ATP10B: variants seen among roughly 807,000 people sequenced by gnomAD.
ATP10B encodes ATPase phospholipid transporting 10B (putative).
In ATP10B, 122 loss-of-function variants were observed where a neutral mutation model predicts 141.2. That is an observed-to-expected ratio of 0.86 (90% CI 0.75 to 1.00). The LOEUF (loss-of-function observed/expected upper bound fraction) is 1.00, where lower values mean the gene tolerates loss of function less well. Among genes scored for constraint, ATP10B ranks in the 50% least tolerant of loss-of-function variants. The probability of loss-of-function intolerance (pLI) is 0.00; values close to 1 mark genes in which losing one functional copy is unlikely to be tolerated. For missense variants in ATP10B, 1,876 were observed against 1,825.3 expected (o/e 1.03, Z -0.51); for synonymous variants, 685 against 692.0 (o/e 0.99, Z 0.16).
Position 160,589,673 on chromosome 5 carries a change from A to G in ATP10B, c.3669T>C (p.Asp1223=), listed in dbSNP as rs371483735. Residue 1223 remains aspartate (D), a synonymous_variant, in exon 24 of 26, where the codon GAT becomes GAC. Coordinates refer to ENST00000327245, the MANE Select transcript of ATP10B (RefSeq NM_025153.3). Reference sequence around the variant, plus strand: ...TGATTGGTGTCCCAAAGGTAAAGACATCTATATCAGAGCCCTTATAGGCCT... The same window carrying G: ...TGATTGGTGTCCCAAAGGTAAAGACGTCTATATCAGAGCCCTTATAGGCCT... ...PYLAYKGSDI[D]VFTFGTPINT... is the part of the protein sequence containing the mutation. 1.1e-5 allele frequency: 18 copies of G among 1,614,026 alleles called. No homozygotes were observed. Among genetic ancestry groups the G allele is most frequent in the African/African-American group, 1.1e-4 (8 of 75,042 alleles).
chr5:160,768,104 C>G (rs1769611661), intron 2 of ATP10B, among the ~76,000 whole-genome samples: 1 of 152,106 alleles, frequency 6.6e-6, no homozygotes, highest in Admixed American at 6.6e-5. Flanking sequence ...TCAGGCCAAC[C>G]TACCCTGGAA....
In ATP10B at chr5:160,602,634, G is replaced by T; in HGVS notation, c.3306C>A (p.Gly1102=). ...KHLKKLLLVH[G]HWCYSRLARM... ...TGGCCAGGCGCGAGTAACACCAGTG[G>T]CCATGCACGAGCAGCAACTTCTTGA... is the stretch of plus-strand genomic sequence containing the variant. Residue 1102 remains glycine (G), a synonymous_variant, in exon 21 of 26, where the codon GGC becomes GGA. Coordinates refer to ENST00000327245, the MANE Select transcript of ATP10B (RefSeq NM_025153.3). 6.2e-7 allele frequency: 1 copy of T among 1,614,072 alleles called. No homozygotes were observed. Among genetic ancestry groups the T allele is most frequent in the Non-Finnish European group, 8.5e-7 (1 of 1,179,956 alleles).
chr5:160,606,794 T>A lies in ATP10B; in HGVS notation c.3131A>T (p.Asp1044Val). The change falls in exon 19 of 26, where the codon GAC (aspartate) becomes GTC (valine). Residue 1044 changes from aspartate (D) to valine (V), a missense_variant. By Grantham distance (152) the Asp-to-Val change is radical. Coordinates refer to ENST00000327245, the MANE Select transcript of ATP10B (RefSeq NM_025153.3). ...GGAAAGGGTCATGACGCGCAACTTGTCTCGCACCAGCTTGACTATCATACT... is the reference window on the plus strand; with the variant it reads ...GGAAAGGGTCATGACGCGCAACTTGACTCGCACCAGCTTGACTATCATACT... ...QKSMIVKLVR[D>V]KLRVMTLSIG... 1 of 1,613,990 alleles carries A rather than the reference T, an allele frequency of 6.2e-7. No individual in the cohort carries two copies. Among genetic ancestry groups the A allele is most frequent in the Non-Finnish European group, 8.5e-7 (1 of 1,179,892 alleles).
At chr5:160,882,761 A>T in the ATP10B span, among the ~76,000 whole-genome samples, 1 of 152,202 alleles carries the variant, frequency 6.6e-6, no homozygotes, top group South Asian at 2.1e-4. Context: ...CAAGTTAAGA[A>T]TAATGAACAC....
intron 2 of ATP10B, among the ~76,000 whole-genome samples, chr5:160,738,000 GCA>G (rs1469120187): frequency 4.6e-5 from 7 of 151,936 alleles, no homozygotes; most frequent in East Asian, 3.8e-4. Flanking sequence ...ACTCCAGCAG[GCA>G]CAGTTTTTTC....
intron 1 of ATP10B, among the ~76,000 whole-genome samples, chr5:160,826,786 G>A (rs1189337325): frequency 1.3e-5 from 2 of 152,164 alleles, no homozygotes; most frequent in Non-Finnish European, 2.9e-5. Context: ...GGCCGCTCTA[G>A]GAGTGTCTGT....
intron 7 of ATP10B, among the ~76,000 whole-genome samples, chr5:160,653,665 ATATATAT>A (rs1402289016): frequency 1.7e-5 from 2 of 117,506 alleles, no homozygotes; most frequent in Non-Finnish European, 3.3e-5. Context: ...ACATATATAC[ATATATAT>A]TATATATACA....
the ATP10B span, among the ~76,000 whole-genome samples, chr5:160,916,462 G>A: frequency 6.6e-6 from 1 of 151,984 alleles, no homozygotes; most frequent in Non-Finnish European, 1.5e-5. Context: ...TGGGGTCCAT[G>A]TGCCCCCTAA....
At chr5:160,814,276 A>T (rs1478725038) in intron 1 of ATP10B, among the ~76,000 whole-genome samples, 4 of 152,228 alleles carry the variant, frequency 2.6e-5, no homozygotes, top group African/African-American at 9.6e-5. Context: ...TAACCAATGC[A>T]GAGAAGTCCT....
In ATP10B at chr5:160,598,978, C is replaced by A. The variant is rs768952031; in HGVS notation, c.3364-8G>T. 3 of 1,613,436 alleles carry A rather than the reference C, an allele frequency of 1.9e-6. No individual in the cohort carries two copies. The African/African-American group carries it at 4.0e-5, about 22-fold the overall frequency. The stretch of plus-strand genomic sequence containing the variant: ...GAGCAGGTTGACGTAGCACTGCAGG[C>A]AGAGAGCATGGCCTTGTGAGTGGGG... On this transcript the variant is annotated splice_region_variant and splice_polypyrimidine_tract_variant and intron_variant, in intron 21 of 25. Transcript: ENST00000327245.
chr5:160,595,763 C>G (rs1255495886), intron 22 of ATP10B, among the ~76,000 whole-genome samples: 1 of 87,064 alleles, frequency 1.1e-5, no homozygotes, highest in Non-Finnish European at 2.7e-5. Flanking sequence ...ACTACAAACA[C>G]CTCTATGCAA....
At chr5:160,761,408 TCGCCAGCACCAG>T (rs1488254227) in intron 2 of ATP10B, among the ~76,000 whole-genome samples, 2 of 151,698 alleles carry the variant, frequency 1.3e-5, no homozygotes, top group Non-Finnish European at 2.9e-5. Flanking sequence ...CAGCCTACAT[TCGCCAGCACCAG>T]CCTACATTCC....
intron 1 of ATP10B, among the ~76,000 whole-genome samples, chr5:160,819,099 G>C (rs895364590): frequency 6.6e-6 from 1 of 152,066 alleles, no homozygotes; most frequent in African/African-American, 2.4e-5. Flanking sequence ...GTATACATAT[G>C]TAACTAACCT....
chr5:160,644,357 T>G (rs1339143025), intron 8 of ATP10B, 113 bp from the exon 9 acceptor site: 1 of 736,982 alleles, frequency 1.4e-6, no homozygotes, highest in East Asian at 2.6e-5. Context: ...TCCTCCCTGT[T>G]TTTTCAGAAG....
chr5:160,698,928 T>C (rs1218961054), intron 3 of ATP10B, among the ~76,000 whole-genome samples: 1 of 152,098 alleles, frequency 6.6e-6, no homozygotes, highest in African/African-American at 2.4e-5. Context: ...TCACTTCTCA[T>C]CCCCATGTCA....
chr5:160,643,569 T>C (rs1001341066), intron 9 of ATP10B, among the ~76,000 whole-genome samples: 2 of 152,080 alleles, frequency 1.3e-5, no homozygotes, highest in Non-Finnish European at 2.9e-5. Context: ...GAAAGCAGGA[T>C]CAAAGTGGGA....
At chr5:160,737,117 G>A (rs1266370407) in intron 2 of ATP10B, among the ~76,000 whole-genome samples, 2 of 152,126 alleles carry the variant, frequency 1.3e-5, no homozygotes, top group African/African-American at 4.8e-5. Context: ...CAAATCAATC[G>A]ATGTGATACA....
chr5:160,657,574 G>A (rs1194295459), intron 7 of ATP10B, among the ~76,000 whole-genome samples: 2 of 152,282 alleles, frequency 1.3e-5, no homozygotes, highest in Non-Finnish European at 1.5e-5. Flanking sequence ...TTGTCAAGTG[G>A]ACAAATATTC....
At chr5:160,589,727 G>A (rs1756155179) in intron 23 of ATP10B, 31 bp from the exon 24 acceptor site, 1 of 1,533,046 alleles carries the variant, frequency 6.5e-7, no homozygotes, top group Non-Finnish European at 9.0e-7. Context: ...GGCATTGTCA[G>A]GTATGTCTGT....
Sources: allele counts gnomAD v4.1 joint callset (sites outside exome capture counted in the v4.1 genomes callset), GRCh38; gene constraint gnomAD v4.1.1; transcripts MANE v1.5; gene names NCBI Gene and HGNC (gene_info 2026-07-23, HGNC 2026-07-21).